The following NLRC4 variants were observed in gnomAD, a reference collection of about 807,000 sequenced individuals.
NLRC4 encodes NLR family CARD domain containing 4.
In NLRC4, 63 loss-of-function variants were observed where a neutral mutation model predicts 79.9. The observed-to-expected ratio is 0.79, with a 90% CI of 0.64 to 0.97. The LOEUF (loss-of-function observed/expected upper bound fraction) is 0.97, where lower values mean the gene tolerates loss of function less well. Ranked by LOEUF, NLRC4 falls within the 50% of genes least tolerant of loss-of-function variation. The pLI, the probability that NLRC4 is intolerant of heterozygous loss-of-function variation, is 0.00. For synonymous variants in NLRC4, 461 were observed against 456.5 expected (o/e 1.01, Z -0.12); for missense variants, 1,074 against 1,215.2 (o/e 0.88, Z 1.73).
intron 8 of NLRC4, among the ~76,000 whole-genome samples, chr2:32,226,028 A>G (rs1481471495): frequency 6.6e-6 from 1 of 152,210 alleles, no homozygotes; most frequent in African/African-American, 2.4e-5. Context: ...TCTCAGTGAG[A>G]AGACCACTAA....
At chr2:32,236,866 A>AG in intron 6 of NLRC4, among the ~76,000 whole-genome samples, 1 of 68,606 alleles carries the variant, frequency 1.5e-5, no homozygotes. Context: ...ATGGATGAGA[A>AG]AAAAAACAAA....
chr2:32,250,720 C>G lies in NLRC4; in HGVS notation c.1144G>C (p.Ala382Pro), dbSNP rs1396674852. The G allele has an allele frequency of 3.1e-6, 5 of 1,614,220 alleles. No homozygotes were observed. The highest frequency in any genetic ancestry group is 1.1e-5 in the South Asian group (1 of 91,084). ...AGGCTCCGAATGAAGTCACTTGCAG[C>G]CACACCTTTATGTTTGTGTTTGTTT... ...QKNKHKHKGVAASDFIRSLDH... is the reference protein window; with the variant it reads ...QKNKHKHKGVPASDFIRSLDH... Residue 382 changes from alanine to proline, a missense_variant, in exon 4 of 9, where the codon GCT becomes CCT. Coordinates refer to ENST00000402280, the MANE Select transcript of NLRC4 (RefSeq NM_001199138.2). This position sits in a 1 kb window ranked among gnomAD's most constrained non-coding sequence, Gnocchi z 4.9.
intron 8 of NLRC4, among the ~76,000 whole-genome samples, chr2:32,225,409 ATGTGTGTGTGTGTGTGTG>A (rs35323064): frequency 6.7e-6 from 1 of 149,080 alleles, no homozygotes. Flanking sequence ...CATACAAAGG[ATGTGTGTGTGTGTGTGTG>A]TGTGTGTGTG....
intron 4 of NLRC4, among the ~76,000 whole-genome samples, chr2:32,241,960 C>T (rs530675439): frequency 1.3e-5 from 2 of 151,980 alleles, no homozygotes; most frequent in South Asian, 4.2e-4. Context: ...TAAGAAATTA[C>T]AGAAAAGAGA....
At chr2:32,229,246 A>G (rs1206795042) in intron 8 of NLRC4, among the ~76,000 whole-genome samples, 1 of 151,828 alleles carries the variant, frequency 6.6e-6, no homozygotes, top group Non-Finnish European at 1.5e-5. Flanking sequence ...CCTGGCCAAC[A>G]TGATGAAACC....
rs147408103 is a variant in NLRC4 at position 32,252,651 on chromosome 2, G to A, written c.30C>T (p.Ala10=). MNFIKDNSR[A]LIQRMGMTVI... Reference sequence around the variant, plus strand: ...CAGTCATTCCCATTCTTTGAATAAGGGCTCGGCTATTGTCCTTTATGAAAT... The same window carrying A: ...CAGTCATTCCCATTCTTTGAATAAGAGCTCGGCTATTGTCCTTTATGAAAT... The change falls in exon 3 of 9, where the codon GCC becomes GCT. Residue 10 remains alanine (A), a synonymous_variant. Coordinates refer to ENST00000402280, the MANE Select transcript of NLRC4 (RefSeq NM_001199138.2). 1.4e-4 allele frequency: 231 copies of A among 1,613,384 alleles called. No homozygotes were observed. Among genetic ancestry groups the A allele is most frequent in the Non-Finnish European group, 1.9e-4 (226 of 1,179,344 alleles).
At chr2:32,253,684 G>A (rs1287943540) in intron 2 of NLRC4, among the ~76,000 whole-genome samples, 2 of 151,896 alleles carry the variant, frequency 1.3e-5, no homozygotes, top group Non-Finnish European at 2.9e-5. Flanking sequence ...CGTGCTGCTG[G>A]CCGGGTGCGG....
In NLRC4 at chr2:32,246,362, A is replaced by C. The variant is rs184944322; in HGVS notation, c.2257+3245T>G. ...CCTGACACAGAAGGTAGTCTAATAC[A>C]GTCTTCGTGACACCCAGAATCTTAC... is the stretch of plus-strand genomic sequence containing the variant. On this transcript the variant is annotated intron_variant, in intron 4 of 8. Transcript: ENST00000402280. Among the ~76,000 whole-genome samples, 398 of 152,348 alleles carry C rather than the reference A, an allele frequency of 2.6e-3. 1 individual carries two copies. Among genetic ancestry groups the C allele is most frequent in the Admixed American group, 4.4e-3 (67 of 15,306 alleles).
At chr2:32,259,971 G>C (rs532357253) in intron 1 of NLRC4, among the ~76,000 whole-genome samples, 1 of 152,250 alleles carries the variant, frequency 6.6e-6, no homozygotes, top group South Asian at 2.1e-4. Flanking sequence ...GCTCACGCCT[G>C]TAATCCCAGC....
chr2:32,227,423 C>A (rs1324247475), intron 8 of NLRC4, among the ~76,000 whole-genome samples: 1 of 152,180 alleles, frequency 6.6e-6, no homozygotes, highest in African/African-American at 2.4e-5. Context: ...GCTCTCTCTT[C>A]CATCTCATGT....
intron 6 of NLRC4, among the ~76,000 whole-genome samples, chr2:32,237,120 G>T (rs1232772155): frequency 1.3e-5 from 2 of 152,076 alleles, no homozygotes; most frequent in African/African-American, 4.8e-5. Context: ...GCTAAGAATT[G>T]CTTAGTGCTT....
At position 32,249,794 on chromosome 2, in the gene NLRC4, G is replaced by C. The variant is rs1687023242; in HGVS notation, c.2070C>G (p.Leu690=). ...LGKIFSSATS[L]RLQIKRCAGV... ...CAGCACATCTCTTTATTTGCAGCCT[G>C]AGGCTTGTGGCAGAGCTGAATATTT... is the stretch of plus-strand genomic sequence containing the variant. The change falls in exon 4 of 9, where the codon CTC becomes CTG. Residue 690 remains leucine (L), a synonymous_variant. Coordinates refer to ENST00000402280, the MANE Select transcript of NLRC4 (RefSeq NM_001199138.2). The C allele has an allele frequency of 6.2e-7, 1 of 1,614,098 alleles. No individual in the cohort carries two copies. Among genetic ancestry groups the C allele is most frequent in the African/African-American group, 1.3e-5 (1 of 74,924 alleles).
chr2:32,241,998 T>C (rs1686816129), intron 4 of NLRC4, among the ~76,000 whole-genome samples: 1 of 151,750 alleles, frequency 6.6e-6, no homozygotes, highest in South Asian at 2.1e-4. Context: ...AGAAAGAAAA[T>C]AATAAAGATA....
chr2:32,253,842 T>C (rs989206887), intron 2 of NLRC4, among the ~76,000 whole-genome samples: 7 of 151,282 alleles, frequency 4.6e-5, no homozygotes, highest in Non-Finnish European at 1.0e-4. Context: ...TGCATGCCTG[T>C]AGTGGCAGCT....
At chr2:32,247,184 C>T (rs568145452) in intron 4 of NLRC4, among the ~76,000 whole-genome samples, 1 of 152,310 alleles carries the variant, frequency 6.6e-6, no homozygotes, top group East Asian at 1.9e-4. Context: ...GTTGGATTTC[C>T]TCCAAGACTT....
intron 4 of NLRC4, among the ~76,000 whole-genome samples, chr2:32,247,722 A>G (rs1686970658): frequency 6.6e-6 from 1 of 152,096 alleles, no homozygotes; most frequent in African/African-American, 2.4e-5. Flanking sequence ...AATCTTCCCT[A>G]TGGCTCCCAA....
chr2:32,233,170 A>G (rs868291794), intron 8 of NLRC4, among the ~76,000 whole-genome samples: 18 of 84,424 alleles, frequency 2.1e-4, no homozygotes, highest in African/African-American at 4.9e-4. Flanking sequence ...GGAAGGAAGG[A>G]AGGAAGGAAG....
upstream of NLRC4, among the ~76,000 whole-genome samples, chr2:32,265,324 GCGT>G (rs1250943100): frequency 3.9e-5 from 6 of 152,208 alleles, no homozygotes; most frequent in East Asian, 9.7e-4. Context: ...AAGACTACAG[GCGT>G]GCACCACCAT....
At chr2:32,238,498 C>CA (rs1049059579) in intron 5 of NLRC4, among the ~76,000 whole-genome samples, 196 bp from the exon 6 acceptor site, 4 of 152,116 alleles carry the variant, frequency 2.6e-5, no homozygotes, top group Non-Finnish European at 4.4e-5. Context: ...TTGGACCACA[C>CA]AAAAAATCAC....
Sources: gnomAD v4.1 joint callset for allele counts (sites outside exome capture counted in the v4.1 genomes callset) on GRCh38, gnomAD v4.1.1 for gene constraint, Gnocchi (gnomAD v3.1) non-coding constraint, MANE v1.5 for transcripts, NCBI Gene and HGNC (gene_info 2026-07-23, HGNC 2026-07-21) for gene names.